Variants in STAP2 observed in about 807,000 individuals in gnomAD.
STAP2 encodes signal transducing adaptor family member 2, also known as signal-transducing adaptor protein 2.
In STAP2, 58 loss-of-function variants were observed where a neutral mutation model predicts 52.7. That is an observed-to-expected ratio of 1.10 (90% CI 0.89 to 1.37). STAP2 has a LOEUF of 1.37. Among genes scored for constraint, STAP2 ranks in the 40% most tolerant of loss-of-function variants. STAP2 has a pLI of 0.00. For synonymous variants in STAP2, 231 were observed against 210.5 expected (o/e 1.10, Z -0.84); for missense variants, 522 against 519.4 (o/e 1.00, Z -0.05).
At chr19:4,332,193 C>CTT in intron 3 of STAP2, 115 bp from the exon 4 acceptor site, 7 of 317,066 alleles carry the variant, frequency 2.2e-5, no homozygotes, top group South Asian at 1.1e-4. Context: ...TTTTCTTTTT[C>CTT]TTCTTTTTTT....
At chr19:4,330,689 G>T (rs56306181) in intron 4 of STAP2, among the ~76,000 whole-genome samples, 28 of 151,300 alleles carry the variant, frequency 1.9e-4, no homozygotes, top group Non-Finnish European at 3.7e-4. Flanking sequence ...TAAAATTCCC[G>T]GTTGATAAAT....
At chr19:4,326,911 C>G in intron 9 of STAP2, 31 bp downstream of exon 9, 2 of 1,550,396 alleles carry the variant, frequency 1.3e-6, no homozygotes, top group Non-Finnish European at 1.7e-6. Flanking sequence ...CTCGATCCCT[C>G]CCACCTCGGC....
At chr19:4,335,850 C>G (rs1308011431) in intron 1 of STAP2, among the ~76,000 whole-genome samples, 2 of 152,130 alleles carry the variant, frequency 1.3e-5, no homozygotes, top group African/African-American at 2.4e-5. Flanking sequence ...GTCAAGTCCT[C>G]AACACGTGAA....
Position 4,333,711 on chromosome 19 carries a change from G to C in STAP2, c.280C>G (p.Gln94Glu). Residue 94 changes from glutamine (Q) to glutamate (E), a missense_variant, in exon 3 of 13, where the codon CAG becomes GAG. Gln to Glu is a conservative substitution (Grantham distance 29). Coordinates refer to ENST00000594605, the MANE Select transcript of STAP2 (RefSeq NM_001013841.2). ...GTHFSLILRD[Q>E]EIKFKVETLE... ...GGACCTACCTTGAACTTGATCTCCT[G>C]ATCCCGGAGAATCAGGCTGAAGTGG... 6.2e-7 allele frequency: 1 copy of C among 1,612,432 alleles called. No homozygotes were observed. The highest frequency in any genetic ancestry group is 8.5e-7 in the Non-Finnish European group (1 of 1,179,910).
intron 9 of STAP2, 50 bp from the exon 10 acceptor site, chr19:4,325,595 C>T (rs771341404): frequency 5.3e-6 from 8 of 1,522,784 alleles, no homozygotes; most frequent in South Asian, 1.3e-5. Context: ...ACAGGGACAC[C>T]TTGCAGGTTG....
chr19:4,326,638 G>C (rs1345312384), intron 9 of STAP2, among the ~76,000 whole-genome samples: 1 of 152,098 alleles, frequency 6.6e-6, no homozygotes, highest in African/African-American at 2.4e-5. Context: ...CTTCTGGGAA[G>C]CTTTCCCTGC....
At chr19:4,329,699 G>A (rs894681743) in intron 5 of STAP2, among the ~76,000 whole-genome samples, 1 of 151,812 alleles carries the variant, frequency 6.6e-6, no homozygotes, top group African/African-American at 2.4e-5. Flanking sequence ...CCCAGACCCT[G>A]TCCCTACTCC....
chr19:4,331,503 G>A (rs1005446190), intron 4 of STAP2, among the ~76,000 whole-genome samples: 4 of 148,788 alleles, frequency 2.7e-5, no homozygotes, highest in African/African-American at 7.5e-5. Context: ...GGTGGCGGAC[G>A]CCTGTAATCC....
chr19:4,325,349 C>A, intron 10 of STAP2, 41 bp from the exon 11 acceptor site: 1 of 1,614,212 alleles, frequency 6.2e-7, no homozygotes, highest in Non-Finnish European at 8.5e-7. Context: ...CAGCTGTTAA[C>A]CTGTTTCCCC....
Position 4,324,583 on chromosome 19 carries a change from G to A in STAP2, c.1073-54C>T, listed in dbSNP as rs1229220257. ...GTGGTGGCTCACGCCGGTAATCCCAGCACTTTGGGAGGCTGAGGTGGGTGG... is the reference window on the plus strand; with the variant it reads ...GTGGTGGCTCACGCCGGTAATCCCAACACTTTGGGAGGCTGAGGTGGGTGG... On this transcript the variant is annotated intron_variant, in intron 11 of 12. Coordinates refer to ENST00000594605, the MANE Select transcript of STAP2 (RefSeq NM_001013841.2). The A allele has an allele frequency of 5.8e-6, 9 of 1,543,748 alleles. No homozygotes were observed. The South Asian group carries it at 6.0e-5, about 10-fold the overall frequency.
chr19:4,333,274 C>T (rs1971922898), intron 3 of STAP2, among the ~76,000 whole-genome samples: 1 of 152,202 alleles, frequency 6.6e-6, no homozygotes, highest in Admixed American at 6.5e-5. Context: ...GTGGGTGGAT[C>T]ACCTGAGGTG....
intron 1 of STAP2, among the ~76,000 whole-genome samples, chr19:4,335,154 T>C (rs1021857402): frequency 2.1e-5 from 3 of 140,638 alleles, no homozygotes; most frequent in African/African-American, 8.1e-5. Context: ...CATCCCTCCA[T>C]CATCCATCCA....
intron 5 of STAP2, 147 bp downstream of exon 5, chr19:4,329,814 T>TTC: frequency 4.2e-4 from 20 of 47,764 alleles, no homozygotes; most frequent in South Asian, 3.7e-3. Flanking sequence ...TAACTCCCCC[T>TTC]CCCCCTCCCC....
chr19:4,334,291 A>G (rs1971938998), intron 1 of STAP2, among the ~76,000 whole-genome samples: 1 of 152,098 alleles, frequency 6.6e-6, no homozygotes, highest in Non-Finnish European at 1.5e-5. Context: ...CCTCGATGTG[A>G]TGAGGGATTC....
intron 1 of STAP2, among the ~76,000 whole-genome samples, chr19:4,338,436 A>G (rs1718820878): frequency 6.6e-6 from 1 of 152,186 alleles, no homozygotes; most frequent in Non-Finnish European, 1.5e-5. Flanking sequence ...GGGAGAGAGA[A>G]AGAGAAAAAG....
intron 3 of STAP2, 101 bp downstream of exon 3, chr19:4,333,593 T>G: frequency 3.4e-6 from 5 of 1,475,744 alleles, no homozygotes; most frequent in Non-Finnish European, 4.5e-6. Context: ...CACAGGGCCC[T>G]GTACTACCTG....
intron 12 of STAP2, 89 bp downstream of exon 12, chr19:4,324,366 A>T (rs73534881): frequency 0.044 from 60,234 of 1,358,964 alleles, 1,623 homozygotes; most frequent in Middle Eastern, 0.11. Context: ...ACCTTAAAAG[A>T]CAGGGCGCTT....
chr19:4,333,885 A>C (rs1379469885), intron 2 of STAP2, 69 bp from the exon 3 acceptor site: 1 of 1,612,732 alleles, frequency 6.2e-7, no homozygotes, highest in Non-Finnish European at 8.5e-7. Flanking sequence ...ATGATGTAGC[A>C]GCCACCTTGA....
At chr19:4,334,858 TATCAATGCATCCCTCC>T (rs1971952552) in intron 1 of STAP2, among the ~76,000 whole-genome samples, 3 of 6,416 alleles carry the variant, frequency 4.7e-4, no homozygotes, top group African/African-American at 6.7e-4. Flanking sequence ...TCCACTCATC[TATCAATGCATCCCTCC>T]ATCCATCCAC....
Sources: gnomAD v4.1 joint callset for allele counts (sites outside exome capture counted in the v4.1 genomes callset) on GRCh38, gnomAD v4.1.1 for gene constraint, MANE v1.5 for transcripts, NCBI Gene and HGNC (gene_info 2026-07-23, HGNC 2026-07-21) for gene names.